The following SDK1 variants were observed in gnomAD, a reference collection of about 807,000 sequenced individuals.
SDK1 encodes protein sidekick-1.
In SDK1, 157 loss-of-function variants were observed where a neutral mutation model predicts 245.5. That is an observed-to-expected ratio of 0.64 (90% CI 0.56 to 0.73). SDK1 has a LOEUF of 0.73. Among genes scored for constraint, SDK1 ranks in the 30% least tolerant of loss-of-function variants. The pLI is 0.00. For synonymous variants in SDK1, 1,647 were observed against 1,278.5 expected (o/e 1.29, Z -6.15); for missense variants, 3,583 against 3,002.3 (o/e 1.19, Z -4.52).
intron 4 of SDK1, among the ~76,000 whole-genome samples, chr7:3,660,486 A>G (rs1353460548): frequency 1.3e-5 from 2 of 151,654 alleles, no homozygotes; most frequent in African/African-American, 4.8e-5. Flanking sequence ...GAGAGAGAGA[A>G]AGAGAGAGAG....
At chr7:3,974,684 A>T in intron 13 of SDK1, 139 bp downstream of exon 13, 2 of 674,030 alleles carry the variant, frequency 3.0e-6, no homozygotes, top group Admixed American at 3.0e-5. Context: ...ATCATGCTGC[A>T]TAACTACATA....
At chr7:4,089,377 A>G (rs1322242577) in intron 22 of SDK1, among the ~76,000 whole-genome samples, 3 of 152,186 alleles carry the variant, frequency 2.0e-5, no homozygotes, top group African/African-American at 7.2e-5. Flanking sequence ...GAGGCTTGGA[A>G]ATGACAGATC....
intron 1 of SDK1, among the ~76,000 whole-genome samples, chr7:3,530,244 A>G (rs1279460347): frequency 6.6e-6 from 1 of 152,162 alleles, no homozygotes; most frequent in African/African-American, 2.4e-5. Context: ...GAAACGACCC[A>G]TTTCAACTTG....
chr7:3,751,709 G>C (rs1171158883), intron 4 of SDK1, among the ~76,000 whole-genome samples: 2 of 152,216 alleles, frequency 1.3e-5, no homozygotes, highest in African/African-American at 4.8e-5. Context: ...ACAGCTGACA[G>C]ATGCGGAAGG....
At chr7:3,522,408 T>C (rs1032021793) in intron 1 of SDK1, among the ~76,000 whole-genome samples, 3 of 152,226 alleles carry the variant, frequency 2.0e-5, no homozygotes, top group Non-Finnish European at 4.4e-5. Context: ...GCCCAATCAC[T>C]GTGGCTACTC....
chr7:3,523,466 T>A (rs117542430), intron 1 of SDK1, among the ~76,000 whole-genome samples: 1 of 152,108 alleles, frequency 6.6e-6, no homozygotes, highest in South Asian at 2.1e-4. Flanking sequence ...AGTGCTAGAT[T>A]AGTGGATTAA....
chr7:3,909,764 A>C (rs969055067), intron 5 of SDK1, among the ~76,000 whole-genome samples: 6 of 152,246 alleles, frequency 3.9e-5, no homozygotes, highest in African/African-American at 1.4e-4. Context: ...CTTAATTCTC[A>C]TGGTCGATGG....
In SDK1 at chr7:4,049,404, C is replaced by G; in HGVS notation, c.2659C>G (p.Gln887Glu). The change falls in exon 18 of 45, where the codon CAG (glutamine) becomes GAG (glutamate). Residue 887 changes from glutamine to glutamate, a missense_variant. Coordinates refer to ENST00000404826, the MANE Select transcript of SDK1 (RefSeq NM_152744.4). ...GGAAGCCGTGAACTCCACCACCATT[C>G]AGTTCCTGTGGAACCCTCCGCCTCA... Reference protein sequence around the residue: ...QTEAVNSTTIQFLWNPPPQQF... With the variant: ...QTEAVNSTTIEFLWNPPPQQF... 4 of 1,614,186 alleles carry G rather than the reference C, an allele frequency of 2.5e-6. 1 individual carries two copies. In the South Asian group the frequency reaches 4.4e-5, roughly 18 times the overall value.
intron 1 of SDK1, among the ~76,000 whole-genome samples, chr7:3,334,465 G>A (rs1055972437): frequency 1.3e-5 from 2 of 151,952 alleles, no homozygotes; most frequent in Admixed American, 6.6e-5. Context: ...TCATAGCCCC[G>A]TAGAGAGTGT....
chr7:3,859,505 C>T (rs1780635536), intron 5 of SDK1, among the ~76,000 whole-genome samples: 1 of 152,020 alleles, frequency 6.6e-6, no homozygotes, highest in South Asian at 2.1e-4. Context: ...GTTGTAAAGA[C>T]CTGAGTTTTT....
At chr7:3,695,388 CT>C (rs1194120063) in intron 4 of SDK1, among the ~76,000 whole-genome samples, 1 of 152,180 alleles carries the variant, frequency 6.6e-6, no homozygotes, top group Non-Finnish European at 1.5e-5. Context: ...ATTAAAATCA[CT>C]CATAATCCTG....
At chr7:3,462,827 C>A (rs1417509276) in intron 1 of SDK1, among the ~76,000 whole-genome samples, 1 of 152,142 alleles carries the variant, frequency 6.6e-6, no homozygotes, top group Non-Finnish European at 1.5e-5. Context: ...CATTGTGGTT[C>A]TTTCTAGTCT....
intron 1 of SDK1, among the ~76,000 whole-genome samples, chr7:3,323,111 C>T (rs1043442084): frequency 6.6e-5 from 10 of 152,082 alleles, no homozygotes; most frequent in African/African-American, 2.4e-4. Context: ...CAGGTTTTGC[C>T]CTTTTGTTTG....
At chr7:3,355,103 A>AT (rs1380129350) in intron 1 of SDK1, among the ~76,000 whole-genome samples, 1 of 152,192 alleles carries the variant, frequency 6.6e-6, no homozygotes, top group Non-Finnish European at 1.5e-5. Flanking sequence ...TGTTAATTCC[A>AT]TTGACACATC....
In SDK1 at chr7:4,265,871, T is replaced by G. The variant is rs1490930376; in HGVS notation, c.*487T>G. 6.1e-6 allele frequency: 6 copies of G among 988,036 alleles called. No homozygotes were observed. The highest frequency in any genetic ancestry group is 1.7e-5 in the African/African-American group (1 of 57,352). The allele number at this position is 988,036 out of a possible 1,614,324, so 61.2% of individuals were successfully genotyped here. A position where few individuals can be genotyped will look rare whatever the true frequency, so the allele number is the denominator to read the frequency against. ...GACATCCTCGGCGGCTCCTGGGGTT[T>G]GAAGAGCAAACGTTTTTCCCTGGGC... On this transcript the variant is annotated 3_prime_UTR_variant, in exon 45 of 45. Transcript: ENST00000404826.
At chr7:3,426,851 G>C (rs943934688) in intron 1 of SDK1, among the ~76,000 whole-genome samples, 4 of 152,158 alleles carry the variant, frequency 2.6e-5, no homozygotes, top group Non-Finnish European at 4.4e-5. Flanking sequence ...CTGCCACTCT[G>C]CTTAAATCCC....
At chr7:3,644,816 G>T (rs1238153794) in intron 4 of SDK1, among the ~76,000 whole-genome samples, 2 of 144,212 alleles carry the variant, frequency 1.4e-5, no homozygotes, top group African/African-American at 5.1e-5. Context: ...CAACGGCGGG[G>T]CAGGGGGTGG....
At chr7:3,613,690 C>T (rs1275332787) in intron 1 of SDK1, among the ~76,000 whole-genome samples, 2 of 152,132 alleles carry the variant, frequency 1.3e-5, no homozygotes, top group South Asian at 2.1e-4. Context: ...CACAAAGACA[C>T]ATATGTTCCC....
At chr7:3,709,355 G>A (rs1335527434) in intron 4 of SDK1, among the ~76,000 whole-genome samples, 1 of 152,102 alleles carries the variant, frequency 6.6e-6, no homozygotes, top group Non-Finnish European at 1.5e-5. Flanking sequence ...CTGGAGACTG[G>A]GCATGCATGC....
Sources: allele counts gnomAD v4.1 joint callset (sites outside exome capture counted in the v4.1 genomes callset), GRCh38; gene constraint gnomAD v4.1.1; transcripts MANE v1.5; gene names NCBI Gene and HGNC (gene_info 2026-07-23, HGNC 2026-07-21).